The following FGF12 variants were observed in gnomAD, a reference collection of about 807,000 sequenced individuals.
FGF12 encodes fibroblast growth factor 12, also known as fibroblast growth factor 12B.
A neutral mutation model predicts 23.6 loss-of-function variants in FGF12; 14 were observed. That is an observed-to-expected ratio of 0.59 (90% CI 0.39 to 0.93). FGF12 has a LOEUF of 0.93. Among genes scored for constraint, FGF12 ranks in the 40% least tolerant of loss-of-function variants. The pLI is 0.00. For synonymous variants in FGF12, 62 were observed against 77.3 expected (o/e 0.80, Z 1.04); for missense variants, 175 against 217.8 (o/e 0.80, Z 1.24).
chr3:192,603,425 C>A (rs965978398), intron 2 of FGF12, among the ~76,000 whole-genome samples: 1 of 152,076 alleles, frequency 6.6e-6, no homozygotes, highest in African/African-American at 2.4e-5. Flanking sequence ...GTACACAATT[C>A]CATTTACAAT....
intron 2 of FGF12, among the ~76,000 whole-genome samples, chr3:192,482,308 C>T (rs1723502039): frequency 6.6e-6 from 1 of 151,980 alleles, no homozygotes; most frequent in South Asian, 2.1e-4. Flanking sequence ...ACTAAAAAGT[C>T]AACAGAGAAG....
intron 2 of FGF12, among the ~76,000 whole-genome samples, chr3:192,420,399 T>C (rs1721487999): frequency 1.3e-5 from 2 of 152,252 alleles, no homozygotes; most frequent in East Asian, 1.9e-4. Flanking sequence ...AATGATGTAG[T>C]TCAGATGTTA....
rs201814458 is a variant in FGF12 at position 192,316,272 on chromosome 3, C to CA, written c.228+19088dup. ...ACGCAAGAATGAATAACTACCTACA[C>CA]AAAAAAAAATCCTTCATAATAACCA... is the stretch of plus-strand genomic sequence containing the variant. On this transcript the variant is annotated intron_variant, in intron 4 of 5. Coordinates refer to ENST00000445105, the MANE Select transcript of FGF12 (RefSeq NM_004113.6). 4.1e-3 allele frequency among the ~76,000 whole-genome samples: 626 copies of CA among 151,246 alleles called. 2 individuals carry two copies. The highest frequency in any genetic ancestry group is 9.0e-3 in the African/African-American group (373 of 41,264).
intron 4 of FGF12, among the ~76,000 whole-genome samples, chr3:192,175,534 G>A (rs914556678): frequency 3.3e-5 from 5 of 152,310 alleles, no homozygotes; most frequent in Admixed American, 3.3e-4. Context: ...GACTTCAGCA[G>A]AAAATGAATA....
chr3:192,723,571 C>G (rs1329902007), intron 2 of FGF12, among the ~76,000 whole-genome samples: 1 of 151,980 alleles, frequency 6.6e-6, no homozygotes, highest in Non-Finnish European at 1.5e-5. Context: ...CCAGGTGATG[C>G]AAATGCTGCT....
rs374106171 is a variant in FGF12 at position 192,284,107 on chromosome 3, C to G, written c.228+51254G>C. Among the ~76,000 whole-genome samples the G allele has an allele frequency of 7.2e-5, 11 of 152,202 alleles. No homozygotes were observed. The South Asian group carries it at 1.2e-3, about 17-fold the overall frequency. On this transcript the variant is annotated intron_variant, in intron 4 of 5. Coordinates refer to ENST00000445105, the MANE Select transcript of FGF12 (RefSeq NM_004113.6). The stretch of plus-strand genomic sequence containing the variant: ...TTGCAGCTTTTCCAGCTACTAGACA[C>G]TTGCCACTAATAATAAAACTGTACT...
chr3:192,444,327 T>A (rs961415628), intron 2 of FGF12, among the ~76,000 whole-genome samples: 13 of 152,226 alleles, frequency 8.5e-5, no homozygotes, highest in African/African-American at 3.1e-4. Context: ...TCCTTCTCTC[T>A]TCACACCTTC....
intron 2 of FGF12, among the ~76,000 whole-genome samples, chr3:192,538,237 C>T (rs1227430431): frequency 4.0e-5 from 6 of 151,322 alleles, no homozygotes; most frequent in African/African-American, 9.7e-5. Flanking sequence ...CATGAGCCAC[C>T]GCACCAGGCC....
chr3:192,382,078 C>T (rs1719840944), intron 2 of FGF12, among the ~76,000 whole-genome samples: 1 of 152,004 alleles, frequency 6.6e-6, no homozygotes, highest in Admixed American at 6.5e-5. Flanking sequence ...CCCACTGCAA[C>T]CTCCACCTTC....
chr3:192,210,445 C>A (rs1216161332), intron 4 of FGF12, among the ~76,000 whole-genome samples: 3 of 152,160 alleles, frequency 2.0e-5, no homozygotes, highest in Non-Finnish European at 4.4e-5. Context: ...CATGTCCCCA[C>A]AAAGGTGGAC....
At chr3:192,506,108 T>C (rs1190639332) in intron 2 of FGF12, among the ~76,000 whole-genome samples, 1 of 152,218 alleles carries the variant, frequency 6.6e-6, no homozygotes, top group Non-Finnish European at 1.5e-5. Flanking sequence ...CTCAAGTGCA[T>C]AGCTTCTGTA....
chr3:192,359,545 A>G (rs553294695), intron 3 of FGF12, among the ~76,000 whole-genome samples: 2 of 152,326 alleles, frequency 1.3e-5, no homozygotes, highest in Admixed American at 1.3e-4. Context: ...GGCACCATAC[A>G]TAATTTTAGA....
At chr3:192,460,390 A>G (rs1722824492) in intron 2 of FGF12, among the ~76,000 whole-genome samples, 1 of 152,182 alleles carries the variant, frequency 6.6e-6, no homozygotes, top group Non-Finnish European at 1.5e-5. Context: ...AGCTTTGCCC[A>G]CAGCCTCAGA....
chr3:192,493,673 G>C (rs7617135), intron 2 of FGF12, among the ~76,000 whole-genome samples: 14,132 of 152,140 alleles, frequency 0.093, 774 homozygotes, highest in Admixed American at 0.19. Context: ...AAGGTAAAGG[G>C]GGAGCAAGTA....
chr3:192,582,749 G>T (rs1713209495), intron 2 of FGF12, among the ~76,000 whole-genome samples: 1 of 152,036 alleles, frequency 6.6e-6, no homozygotes, highest in South Asian at 2.1e-4. Context: ...GTCTGGGTAT[G>T]AACCAGGATC....
intron 2 of FGF12, among the ~76,000 whole-genome samples, chr3:192,523,598 C>T (rs538713932): frequency 9.9e-5 from 15 of 152,270 alleles, no homozygotes; most frequent in African/African-American, 3.6e-4. Flanking sequence ...TTTTAGCTTT[C>T]GTATTATCCA....
chr3:192,448,536 T>C (rs61588961), intron 2 of FGF12, among the ~76,000 whole-genome samples: 7,242 of 152,240 alleles, frequency 0.048, 595 homozygotes, highest in African/African-American at 0.16. Context: ...AAAGCAAATA[T>C]GCATTTTGCC....
At chr3:192,642,598 T>A (rs1057441529) in intron 2 of FGF12, among the ~76,000 whole-genome samples, 6 of 152,234 alleles carry the variant, frequency 3.9e-5, no homozygotes, top group African/African-American at 1.2e-4. Context: ...CATATATTAC[T>A]TATTCAACAA....
At chr3:192,699,055 T>G (rs950329527) in intron 2 of FGF12, among the ~76,000 whole-genome samples, 2 of 152,186 alleles carry the variant, frequency 1.3e-5, no homozygotes, top group Admixed American at 1.3e-4. Context: ...AACTTTGTCT[T>G]AGCCACTAAA....
Sources: allele counts gnomAD v4.1 joint callset (sites outside exome capture counted in the v4.1 genomes callset), GRCh38; gene constraint gnomAD v4.1.1; transcripts MANE v1.5; gene names NCBI Gene and HGNC (gene_info 2026-07-23, HGNC 2026-07-21).